Variants in DGKK observed in about 807,000 individuals in gnomAD.
The protein encoded by DGKK is diacylglycerol kinase kappa, also known as 142 kDa diacylglycerol kinase.
A neutral mutation model predicts 92.2 loss-of-function variants in DGKK; 35 were observed. The observed-to-expected ratio is 0.38, with a 90% CI of 0.29 to 0.50. DGKK has a LOEUF of 0.50. DGKK is among the 20% of genes least tolerant of loss of function. The probability of loss-of-function intolerance (pLI) is 0.92; values close to 1 mark genes in which losing one functional copy is unlikely to be tolerated. For missense variants in DGKK, 910 were observed against 992.2 expected (o/e 0.92, Z 1.11); for synonymous variants, 368 against 360.6 (o/e 1.02, Z -0.23).
At chrX:50,447,394 AT>A (rs1198847790) in intron 1 of DGKK, among the ~76,000 whole-genome samples, 7 of 14,871 alleles carry the variant, frequency 4.7e-4, no homozygotes, top group African/African-American at 2.3e-3. Flanking sequence ...ATATATATAT[AT>A]TATATATATA....
At chrX:50,384,557 T>C (rs1347143433) in intron 16 of DGKK, among the ~76,000 whole-genome samples, 163 bp downstream of exon 16, 1 of 111,532 alleles carries the variant, frequency 9.0e-6, no homozygotes, top group African/African-American at 3.3e-5. Context: ...ACTCTGGACA[T>C]TGGCATGGGA....
intron 3 of DGKK, among the ~76,000 whole-genome samples, chrX:50,420,831 C>A (rs146907106): frequency 6.3e-5 from 7 of 111,672 alleles, no homozygotes; most frequent in African/African-American, 2.3e-4. Flanking sequence ...ATTTCATAGC[C>A]GAGAAAACCA....
At chrX:50,393,387 G>A (rs1450459469) in intron 8 of DGKK, 52 bp from the exon 9 acceptor site, 4 of 1,022,071 alleles carry the variant, frequency 3.9e-6, no homozygotes, top group Non-Finnish European at 5.3e-6. Context: ...CCGTTGAGAT[G>A]GAAACGAGAC....
intron 16 of DGKK, 101 bp from the exon 17 acceptor site, chrX:50,384,365 C>T (rs1209649801): frequency 1.9e-6 from 1 of 520,173 alleles, no homozygotes; most frequent in Non-Finnish European, 3.1e-6. Context: ...CAGGGTCAAG[C>T]TCAGTGACTT....
intron 14 of DGKK, among the ~76,000 whole-genome samples, chrX:50,387,041 G>C (rs1488521456): frequency 9.0e-6 from 1 of 111,144 alleles, no homozygotes; most frequent in Admixed American, 9.6e-5. Flanking sequence ...TTAAGGCCTT[G>C]ATTCTTAGCT....
chrX:50,409,281 A>G (rs1393481996), intron 4 of DGKK, among the ~76,000 whole-genome samples: 6 of 108,822 alleles, frequency 5.5e-5, no homozygotes, highest in Non-Finnish European at 1.1e-4. Flanking sequence ...AAGGAACACG[A>G]AGAATTACCA....
rs1557223794 is a variant in DGKK, at chrX:50,376,066, G to C, written c.3372C>G (p.Asp1124Glu). The change falls in exon 24 of 28, where the codon GAC (aspartate) becomes GAG (glutamate). Residue 1124 changes from aspartate to glutamate, a missense_variant. By Grantham distance (45) the Asp-to-Glu change is conservative. Coordinates refer to ENST00000611977, the MANE Select transcript of DGKK (RefSeq NM_001013742.4). Reference sequence around the variant, plus strand: ...AAGCTGCACCCATCTCATTGCCACTGTCTTGGCCGTAAAATATATCATTCA... The same window carrying C: ...AAGCTGCACCCATCTCATTGCCACTCTCTTGGCCGTAAAATATATCATTCA... ...NILNDIFYGQ[D>E]SGNEMGAASC... is the part of the protein sequence containing the mutation. The C allele has an allele frequency of 8.3e-7, 1 of 1,210,813 alleles. No individual in the cohort carries two copies. Among genetic ancestry groups the C allele is most frequent in the Non-Finnish European group, 1.1e-6 (1 of 894,984 alleles).
At chrX:50,373,174 C>T (rs936621592) in intron 25 of DGKK, among the ~76,000 whole-genome samples, 7 of 112,344 alleles carry the variant, frequency 6.2e-5, no homozygotes, top group African/African-American at 1.9e-4. Context: ...GGATTCACTT[C>T]GTCATCAATT....
At chrX:50,393,486 C>T (rs1557225794) in intron 8 of DGKK, among the ~76,000 whole-genome samples, 151 bp from the exon 9 acceptor site, 1 of 111,633 alleles carries the variant, frequency 9.0e-6, no homozygotes, top group Non-Finnish European at 1.9e-5. Flanking sequence ...CAAGATACCA[C>T]CCAGAGGGGC....
At chrX:50,444,250 A>G (rs1926235641) in intron 1 of DGKK, among the ~76,000 whole-genome samples, 1 of 111,950 alleles carries the variant, frequency 8.9e-6, no homozygotes, top group Admixed American at 9.5e-5. Flanking sequence ...CTATTTTTGA[A>G]AGTGACTGTA....
At position 50,469,741 on chromosome X, in the gene DGKK, G is replaced by C. The variant is rs942128178; in HGVS notation, c.645+293C>G. Among the ~76,000 whole-genome samples the C allele has an allele frequency of 6.1e-4, 69 of 112,676 alleles. 6 individuals carry two copies. Among genetic ancestry groups the C allele is most frequent in the Non-Finnish European group, 9.4e-5 (5 of 53,259 alleles). On this transcript the variant is annotated intron_variant, in intron 1 of 27. Coordinates refer to ENST00000611977, the MANE Select transcript of DGKK (RefSeq NM_001013742.4). ...TCTTCCTCCTCTCTTTCAAGATATT[G>C]GCGCTCACCGCACTGTCGCTTCTCT...
chrX:50,381,760 T>C (rs3859921), intron 18 of DGKK, among the ~76,000 whole-genome samples: 123 of 111,975 alleles, frequency 1.1e-3, no homozygotes, highest in African/African-American at 3.9e-3. Context: ...TGGACCGCCT[T>C]AGAATTCAAT....
chrX:50,378,225 T>C lies in DGKK; in HGVS notation c.2984A>G (p.Glu995Gly). 4.1e-6 allele frequency: 5 copies of C among 1,208,503 alleles called. No individual in the cohort carries two copies. Among genetic ancestry groups the C allele is most frequent in the Non-Finnish European group, 5.6e-6 (5 of 894,224 alleles). The change falls in exon 22 of 28, where the codon GAG (glutamate) becomes GGG (glycine). Residue 995 changes from glutamate (E) to glycine (G), a missense_variant. By Grantham distance (98) the Glu-to-Gly change is moderately conservative. Transcript: ENST00000611977. ...TTCACCATCAATGGTTATCATCACC[T>C]CATGGCACTGCCAGAGAAAATGAGG... ...LHHHRIAQCH[E>G]VMITIDGEEG...
Position 50,470,685 on chromosome X carries a change from AC to A in DGKK, c.-8del. 1 of 1,099,458 alleles carries A rather than the reference AC, an allele frequency of 9.1e-7. No homozygotes were observed. Among genetic ancestry groups the A allele is most frequent in the Non-Finnish European group, 1.2e-6 (1 of 848,345 alleles). 90.6% of individuals were successfully genotyped at this position (1,099,458 alleles called of 1,213,427 possible). On this transcript the variant is annotated 5_prime_UTR_variant, in exon 1 of 28. Transcript: ENST00000611977. The stretch of plus-strand genomic sequence containing the variant: ...CGGCAGCTCCGCGGTCCATGGCCGC[AC>A]ACCGCTTCAGGTCTGGGCAGCCTGA...
intron 7 of DGKK, among the ~76,000 whole-genome samples, chrX:50,401,757 A>G (rs1432809722): frequency 9.0e-6 from 1 of 111,092 alleles, no homozygotes; most frequent in Non-Finnish European, 1.9e-5. Context: ...ATTGAAAAAA[A>G]AAAACAGAGG....
intron 1 of DGKK, among the ~76,000 whole-genome samples, chrX:50,447,395 T>TA (rs1491362075): frequency 1.2e-4 from 2 of 16,124 alleles, no homozygotes; most frequent in Non-Finnish European, 1.6e-4. Flanking sequence ...TATATATATA[T>TA]TATATATATA....
intron 26 of DGKK, 103 bp from the exon 27 acceptor site, chrX:50,370,652 A>C: frequency 1.1e-6 from 1 of 909,346 alleles, no homozygotes; most frequent in Non-Finnish European, 1.5e-6. Flanking sequence ...TACAGAGAAC[A>C]GGGAGATCTG....
At chrX:50,399,838 T>A (rs782437486) in intron 8 of DGKK, among the ~76,000 whole-genome samples, 2 of 111,639 alleles carry the variant, frequency 1.8e-5, no homozygotes, top group Non-Finnish European at 3.8e-5. Context: ...AATGAACAAG[T>A]CAATGGCAAA....
intron 4 of DGKK, among the ~76,000 whole-genome samples, chrX:50,411,950 C>T (rs1925315449): frequency 4.5e-5 from 5 of 111,266 alleles, no homozygotes; most frequent in Admixed American, 3.8e-4. Context: ...ATCCAAAATG[C>T]CTGGGACCAA....
Sources: allele counts gnomAD v4.1 joint callset (sites outside exome capture counted in the v4.1 genomes callset), GRCh38; gene constraint gnomAD v4.1.1; transcripts MANE v1.5; gene names NCBI Gene and HGNC (gene_info 2026-07-23, HGNC 2026-07-21).